Variants in PRDM16 observed in about 807,000 individuals in gnomAD.
PRDM16 encodes the protein histone-lysine N-methyltransferase PRDM16.
A neutral mutation model predicts 110.6 loss-of-function variants in PRDM16; 23 were observed. The ratio of observed to expected loss-of-function variants is 0.21; its 90% CI spans 0.15 to 0.29. The LOEUF is 0.29. Among genes scored for constraint, PRDM16 ranks in the 10% least tolerant of loss-of-function variants. The pLI, the probability that PRDM16 is intolerant of heterozygous loss-of-function variation, is 1.00. For synonymous variants in PRDM16, 799 were observed against 781.8 expected, an observed-to-expected ratio of 1.02 and a Z score of -0.37; for missense variants, 1,615 against 1,794.3, an observed-to-expected ratio of 0.90 and a Z score of 1.81.
intron 3 of PRDM16, among the ~76,000 whole-genome samples, chr1:3,361,594 A>T (rs1221637109): frequency 6.6e-6 from 1 of 152,254 alleles, no homozygotes; most frequent in East Asian, 1.9e-4. Context: ...CACCGGCCCA[A>T]CTGTGAGCTC....
At chr1:3,225,563 TG>T (rs1557541535) in intron 2 of PRDM16, among the ~76,000 whole-genome samples, 1 of 123,152 alleles carries the variant, frequency 8.1e-6, no homozygotes, top group East Asian at 3.0e-4. Context: ...TGTGTGTGTG[TG>T]TGTGTGTGTG....
At chr1:3,369,810 T>C (rs546182210) in intron 3 of PRDM16, among the ~76,000 whole-genome samples, 71 of 152,368 alleles carry the variant, frequency 4.7e-4, no homozygotes, top group African/African-American at 1.7e-3. Flanking sequence ...CAACATTGTC[T>C]GCACCAAGAA....
At chr1:3,120,696 G>A (rs1200896762) in intron 1 of PRDM16, among the ~76,000 whole-genome samples, 2 of 152,196 alleles carry the variant, frequency 1.3e-5, no homozygotes, top group African/African-American at 4.8e-5. Flanking sequence ...CGCAGTGAAA[G>A]GCAGGGTGGA....
At chr1:3,127,495 C>T (rs1245178576) in intron 1 of PRDM16, among the ~76,000 whole-genome samples, 3 of 152,186 alleles carry the variant, frequency 2.0e-5, no homozygotes, top group Non-Finnish European at 2.9e-5. Flanking sequence ...CAGTTACCAG[C>T]GAGCCACAGC....
chr1:3,271,949 C>T (rs1195901189), intron 3 of PRDM16, among the ~76,000 whole-genome samples: 1 of 152,240 alleles, frequency 6.6e-6, no homozygotes, highest in Non-Finnish European at 1.5e-5. Flanking sequence ...CACAAGACCA[C>T]ACATTGCCCT....
chr1:3,078,069 G>A (rs1641939256), intron 1 of PRDM16, among the ~76,000 whole-genome samples: 1 of 152,150 alleles, frequency 6.6e-6, no homozygotes, highest in Non-Finnish European at 1.5e-5. Context: ...GGAAACAGCT[G>A]TTGGCACGTG....
intron 1 of PRDM16, among the ~76,000 whole-genome samples, chr1:3,181,280 A>G (rs1467715006): frequency 4.9e-5 from 7 of 143,626 alleles, no homozygotes; most frequent in East Asian, 2.2e-4. Flanking sequence ...GGCCTTACGC[A>G]TGGTCTTACA....
intron 2 of PRDM16, among the ~76,000 whole-genome samples, chr1:3,241,558 C>T (rs1569908127): frequency 6.6e-6 from 1 of 152,176 alleles, no homozygotes; most frequent in African/African-American, 2.4e-5. Flanking sequence ...CTATTGGGGC[C>T]GGTGTTGGAG....
intron 3 of PRDM16, among the ~76,000 whole-genome samples, chr1:3,277,156 G>A (rs1018736007): frequency 1.3e-5 from 2 of 152,240 alleles, no homozygotes; most frequent in Non-Finnish European, 2.9e-5. Context: ...ACAAGAGCCA[G>A]GCCAGGAGGA....
Position 3,224,184 on chromosome 1 carries a change from G to A in PRDM16, c.388-19903G>A, listed in dbSNP as rs142536678. The stretch of plus-strand genomic sequence containing the variant: ...CTTTGGGGCTGGGGACAGCAGGGCC[G>A]TGATGAATACCAAATCTGCCAGGGA... On this transcript the variant is annotated intron_variant, in intron 2 of 16. Transcript: ENST00000270722. Among the ~76,000 whole-genome samples the A allele has an allele frequency of 1.0e-3, 159 of 152,316 alleles. 1 individual carries two copies. The highest frequency in any genetic ancestry group is 3.3e-3 in the African/African-American group (137 of 41,572).
chr1:3,257,413 C>T (rs1432102515), intron 3 of PRDM16, among the ~76,000 whole-genome samples: 4 of 152,188 alleles, frequency 2.6e-5, no homozygotes, highest in African/African-American at 4.8e-5. Flanking sequence ...GTTCTCTGCT[C>T]TCCAACACTG....
chr1:3,365,032 G>C (rs1642785320), intron 3 of PRDM16, among the ~76,000 whole-genome samples: 1 of 152,202 alleles, frequency 6.6e-6, no homozygotes, highest in Non-Finnish European at 1.5e-5. Flanking sequence ...GAAGGCACCA[G>C]GGTCCCCAGG....
intron 1 of PRDM16, among the ~76,000 whole-genome samples, chr1:3,096,967 T>C (rs1642416077): frequency 1.3e-5 from 2 of 152,134 alleles, no homozygotes; most frequent in South Asian, 4.1e-4. Flanking sequence ...GTGCCCCTTC[T>C]CTCCCAGGCT....
intron 3 of PRDM16, among the ~76,000 whole-genome samples, chr1:3,331,911 C>T (rs1193391121): frequency 6.6e-6 from 1 of 152,242 alleles, no homozygotes; most frequent in Admixed American, 6.5e-5. Context: ...ACAGACATCT[C>T]CACCTCTCAG....
intron 2 of PRDM16, among the ~76,000 whole-genome samples, chr1:3,223,478 C>G (rs75974051): frequency 6.6e-6 from 1 of 152,284 alleles, no homozygotes; most frequent in East Asian, 1.9e-4. Flanking sequence ...CACGCTCACC[C>G]CCGGCATGCA....
In PRDM16 at chr1:3,225,573, T is replaced by TGCGCGCGC. The variant is rs138962991; in HGVS notation, c.388-18511_388-18504dup. Among the ~76,000 whole-genome samples the TGCGCGCGC allele has an allele frequency of 3.4e-3, 441 of 129,882 alleles. 3 individuals carry two copies. The highest frequency in any genetic ancestry group is 0.011 in the African/African-American group (420 of 37,516). 85.2% of individuals were successfully genotyped at this position (129,882 alleles called of 152,430 possible). ...GTGTGTGTGTGTGTGTGTGTGTGTGTGCGCGCGCGCAGAAGGAAGGAAACG... is the reference window on the plus strand; with the variant it reads ...GTGTGTGTGTGTGTGTGTGTGTGTGTGCGCGCGCGCGCGCGCGCAGAAGGAAGGAAACG... On this transcript the variant is annotated intron_variant, in intron 2 of 16. Coordinates refer to ENST00000270722, the MANE Select transcript of PRDM16 (RefSeq NM_022114.4).
intron 1 of PRDM16, among the ~76,000 whole-genome samples, chr1:3,089,399 T>A (rs1642222813): frequency 6.6e-6 from 1 of 152,222 alleles, no homozygotes; most frequent in South Asian, 2.1e-4. Context: ...TCCACCTGGC[T>A]GCACCCTCCA....
At chr1:3,287,093 T>G (rs573729512) in intron 3 of PRDM16, among the ~76,000 whole-genome samples, 8 of 152,318 alleles carry the variant, frequency 5.3e-5, no homozygotes, top group Admixed American at 3.3e-4. Flanking sequence ...GCCTGGAGTC[T>G]TCCTGGGGTC....
At chr1:3,076,936 GCA>G (rs1168811094) in intron 1 of PRDM16, among the ~76,000 whole-genome samples, 2 of 152,164 alleles carry the variant, frequency 1.3e-5, no homozygotes, top group Non-Finnish European at 2.9e-5. Context: ...ACTCCACAGA[GCA>G]CACATCTCGG....
Sources: gnomAD v4.1 joint callset for allele counts (sites outside exome capture counted in the v4.1 genomes callset) on GRCh38, gnomAD v4.1.1 for gene constraint, MANE v1.5 for transcripts, NCBI Gene and HGNC (gene_info 2026-07-23, HGNC 2026-07-21) for gene names.